DMBT1: variants seen among roughly 807,000 people sequenced by gnomAD.
DMBT1 encodes the protein deleted in malignant brain tumors 1, also known as scavenger receptor cysteine-rich domain-containing protein DMBT1.
A neutral mutation model predicts 252.9 loss-of-function variants in DMBT1; 198 were observed. The ratio of observed to expected loss-of-function variants is 0.78; its 90% CI spans 0.70 to 0.88. The LOEUF (loss-of-function observed/expected upper bound fraction) is 0.88. Ranked by LOEUF, DMBT1 falls within the 40% of genes least tolerant of loss-of-function variation. DMBT1 has a pLI of 0.00. For missense variants in DMBT1, 2,432 were observed against 2,404.7 expected (o/e 1.01, Z -0.24); for synonymous variants, 990 against 942.7 (o/e 1.05, Z -0.92).
chr10:122,630,952 G>C lies in DMBT1; in HGVS notation c.6026-9G>C, dbSNP rs78618280. On this transcript the variant is annotated splice_polypyrimidine_tract_variant and intron_variant, in intron 48 of 55. Coordinates refer to ENST00000338354, the MANE Select transcript of DMBT1 (RefSeq NM_001377530.1). ...ATGGCCATGATCTCTCAGTTAATGT[G>C]TCTTTCAGATGCCACCTTGAGGTTG... 0.017 allele frequency: 27,213 copies of C among 1,587,822 alleles called. 287 individuals are homozygous for C. The highest frequency in any genetic ancestry group is 0.021 in the Non-Finnish European group (24,275 of 1,162,724).
intron 27 of DMBT1, 94 bp downstream of exon 27, chr10:122,600,187 G>A (rs1291097839): frequency 2.9e-5 from 43 of 1,493,422 alleles, no homozygotes; most frequent in Non-Finnish European, 3.5e-5. Context: ...TCTCTGTGTG[G>A]ATACTGTGGG....
Position 122,625,329 on chromosome 10 carries a change from C to T in DMBT1, c.5635+26C>T, listed in dbSNP as rs747853576. 3 of 1,602,456 alleles carry T rather than the reference C, an allele frequency of 1.9e-6. No individual in the cohort carries two copies. The South Asian group carries it at 3.4e-5, about 18-fold the overall frequency. On this transcript the variant is annotated intron_variant, in intron 45 of 55. Transcript: ENST00000338354. Reference sequence around the variant, plus strand: ...GTGAGTCTGCTACACCCCAGTCCAGCAATATTTCTCTTGGGAATTCCACCC... The same window carrying T: ...GTGAGTCTGCTACACCCCAGTCCAGTAATATTTCTCTTGGGAATTCCACCC...
chr10:122,588,391 A>G (rs2097812143), intron 16 of DMBT1, among the ~76,000 whole-genome samples: 2 of 146,790 alleles, frequency 1.4e-5, no homozygotes, highest in Admixed American at 1.3e-4. Flanking sequence ...AAGTATCAGG[A>G]AATAATAAAG....
intron 16 of DMBT1, among the ~76,000 whole-genome samples, chr10:122,587,209 C>A (rs1029688633): frequency 6.7e-6 from 1 of 148,256 alleles, no homozygotes; most frequent in African/African-American, 2.4e-5. Flanking sequence ...GTGGATGCAG[C>A]ACATATAGGC....
At chr10:122,563,798 G>T (rs2097568021) in intron 1 of DMBT1, among the ~76,000 whole-genome samples, 1 of 152,198 alleles carries the variant, frequency 6.6e-6, no homozygotes, top group African/African-American at 2.4e-5. Context: ...GTTCCATGCT[G>T]TGGATGAGCC....
chr10:122,590,757 C>T (rs2133583337), intron 18 of DMBT1, 63 bp downstream of exon 18: 1 of 1,550,924 alleles, frequency 6.4e-7, no homozygotes, highest in South Asian at 1.2e-5. Flanking sequence ...TCCTTTTTCC[C>T]ATTCCACAGA....
In DMBT1 at chr10:122,581,018, C is replaced by T. The variant is rs540390454; in HGVS notation, c.1033+123C>T. On this transcript the variant is annotated intron_variant, in intron 11 of 55. Coordinates refer to ENST00000338354, the MANE Select transcript of DMBT1 (RefSeq NM_001377530.1). ...CTGTGGGGCATATTATTTCCACCCCCAACACCGGCTGTGTAACTGAGATCC... is the reference window on the plus strand; with the variant it reads ...CTGTGGGGCATATTATTTCCACCCCTAACACCGGCTGTGTAACTGAGATCC... The T allele has an allele frequency of 4.1e-6, 6 of 1,463,072 alleles. No individual in the cohort carries two copies. The African/African-American group carries it at 4.4e-5, about 11-fold the overall frequency. The allele number at this position is 1,463,072 out of a possible 1,614,324, so 90.6% of individuals were successfully genotyped here. A position where few individuals can be genotyped will look rare whatever the true frequency, so the allele number is the denominator to read the frequency against.
At chr10:122,634,360 CTTTCTTTCTTTCTT>C (rs770014411) in intron 52 of DMBT1, among the ~76,000 whole-genome samples, 24 of 105,726 alleles carry the variant, frequency 2.3e-4, no homozygotes, top group African/African-American at 9.6e-4. Context: ...TTCTTTCTTT[CTTTCTTTCTTTCTT>C]TCTTTCTTTC....
chr10:122,591,167 G>C, intron 18 of DMBT1, among the ~76,000 whole-genome samples: 1 of 148,760 alleles, frequency 6.7e-6, no homozygotes, highest in Non-Finnish European at 1.5e-5. Context: ...TTTCAAGCGT[G>C]AGAGGCTCAG....
chr10:122,588,625 AC>A (rs769817188), intron 16 of DMBT1, among the ~76,000 whole-genome samples: 2 of 148,816 alleles, frequency 1.3e-5, no homozygotes, highest in Non-Finnish European at 3.0e-5. Context: ...GAACATGGGG[AC>A]AGCATGGTCC....
intron 25 of DMBT1, among the ~76,000 whole-genome samples, 183 bp downstream of exon 25, chr10:122,598,195 G>A (rs1174464932): frequency 6.6e-6 from 1 of 152,044 alleles, no homozygotes; most frequent in Non-Finnish European, 1.5e-5. Flanking sequence ...AGGCTGGAGG[G>A]TGCTGGTGAC....
intron 26 of DMBT1, among the ~76,000 whole-genome samples, chr10:122,599,713 C>T (rs1438097434): frequency 2.6e-5 from 4 of 152,226 alleles, no homozygotes; most frequent in Admixed American, 1.3e-4. Context: ...TTGTCATTGC[C>T]TGTGATCAGG....
At chr10:122,574,071 G>A (rs113418659) in intron 6 of DMBT1, among the ~76,000 whole-genome samples, 2,509 of 152,282 alleles carry the variant, frequency 0.016, 64 homozygotes, top group African/African-American at 0.057. Flanking sequence ...GTGCTCATCC[G>A]TGGCCAGCCT....
chr10:122,632,297 G>A (rs543272415), intron 50 of DMBT1, among the ~76,000 whole-genome samples: 1 of 151,084 alleles, frequency 6.6e-6, no homozygotes, highest in African/African-American at 2.4e-5. Flanking sequence ...ATCCCCTCCT[G>A]GCCTCCCATA....
intron 5 of DMBT1, among the ~76,000 whole-genome samples, chr10:122,572,824 A>G (rs11528749): frequency 0.69 from 103,846 of 151,036 alleles, 36,101 homozygotes; most frequent in East Asian, 0.78. Context: ...ATTTGAGGAG[A>G]GTGGGAGAAC....
chr10:122,621,014 C>G lies in DMBT1; in HGVS notation c.5285-43C>G, dbSNP rs371079228. ...GTGGAACATTCCTTAAATCCTTGACCTCATAATCAGTATGGATGAAGGGTT... is the reference window on the plus strand; with the variant it reads ...GTGGAACATTCCTTAAATCCTTGACGTCATAATCAGTATGGATGAAGGGTT... On this transcript the variant is annotated intron_variant, in intron 43 of 55. Transcript: ENST00000338354. 13 of 1,610,804 alleles carry G rather than the reference C, an allele frequency of 8.1e-6. No homozygotes were observed. In the African/African-American group the frequency reaches 1.6e-4, roughly 20 times the overall value.
chr10:122,562,639 C>T (rs2981752), intron 1 of DMBT1, among the ~76,000 whole-genome samples: 151,842 of 152,368 alleles, frequency 1, 75,662 homozygotes, highest in East Asian at 1. Flanking sequence ...TGAATTGCCT[C>T]GTCTTTATCT....
In DMBT1 at chr10:122,576,720, C is replaced by T. The variant is rs1453665039; in HGVS notation, c.605C>T (p.Ser202Leu). ...GGTGAAGATGCTGGTGTTATCTGCT[C>T]AGGTAGGCATCCAGATCTCTGGAGG... ...GHGEDAGVIC[S>L]AAQPQSTLRP... Residue 202 changes from serine (S) to leucine (L), a missense_variant and splice_region_variant, in exon 7 of 56, where the codon TCA becomes TTA. Coordinates refer to ENST00000338354, the MANE Select transcript of DMBT1 (RefSeq NM_001377530.1). The T allele has an allele frequency of 1.2e-6, 2 of 1,613,790 alleles. No individual in the cohort carries two copies. Among genetic ancestry groups the T allele is most frequent in the East Asian group, 2.2e-5 (1 of 44,880 alleles).
In DMBT1 at chr10:122,643,398, G is replaced by A. The variant is rs759665956; in HGVS notation, c.7629G>A (p.Ter2543=). Residue 2543 remains the stop codon, a stop_retained_variant, in exon 56 of 56, where the codon TAG becomes TAA. Coordinates refer to ENST00000338354, the MANE Select transcript of DMBT1 (RefSeq NM_001377530.1). ...TPPRREEEPR[*] is the part of the protein sequence containing the mutation. Reference sequence around the variant, plus strand: ...CACGCCGAGAAGAGGAGCCTCGGTAGGTGGTCGCTCTCAGACCCCACTGTC... The same window carrying A: ...CACGCCGAGAAGAGGAGCCTCGGTAAGTGGTCGCTCTCAGACCCCACTGTC... 3.1e-6 allele frequency: 5 copies of A among 1,610,396 alleles called. No homozygotes were observed. The highest frequency in any genetic ancestry group is 2.2e-5 in the South Asian group (2 of 90,544).
Sources: allele counts gnomAD v4.1 joint callset (sites outside exome capture counted in the v4.1 genomes callset), GRCh38; gene constraint gnomAD v4.1.1; transcripts MANE v1.5; gene names NCBI Gene and HGNC (gene_info 2026-07-23, HGNC 2026-07-21).